The following COP1 variants were observed in gnomAD, a reference collection of about 807,000 sequenced individuals.
COP1 encodes COP1 E3 ubiquitin ligase.
In COP1, 24 loss-of-function variants were observed where a neutral mutation model predicts 101.3. The ratio of observed to expected loss-of-function variants is 0.24; its 90% confidence interval spans 0.17 to 0.33. The LOEUF (loss-of-function observed/expected upper bound fraction) is 0.33. Among genes scored for constraint, COP1 ranks in the 10% least tolerant of loss-of-function variants. COP1 has a pLI of 1.00. For synonymous variants in COP1, 347 were observed against 341.9 expected (o/e 1.01, Z -0.17); for missense variants, 663 against 906.2 (o/e 0.73, Z 3.45).
intron 18 of COP1, among the ~76,000 whole-genome samples, chr1:175,970,374 A>G (rs1266499145): frequency 6.6e-6 from 1 of 152,194 alleles, no homozygotes; most frequent in African/African-American, 2.4e-5. Flanking sequence ...CGGAATGGGA[A>G]TAGTATGGGA....
At chr1:176,073,953 G>C (rs10218714) in intron 11 of COP1, among the ~76,000 whole-genome samples, 60,479 of 151,936 alleles carry the variant, frequency 0.4, 12,235 homozygotes, top group Middle Eastern at 0.45. Flanking sequence ...AGGCCTCTTT[G>C]TTTGAGACAG....
At chr1:176,137,825 T>G (rs1171175282) in intron 6 of COP1, among the ~76,000 whole-genome samples, 1 of 152,162 alleles carries the variant, frequency 6.6e-6, no homozygotes, top group Non-Finnish European at 1.5e-5. Flanking sequence ...GTAATATAAT[T>G]AATAACTTAC....
Position 175,951,437 on chromosome 1 carries a change from A to AATATATATAT in COP1, c.2134-4208_2134-4199dup, listed in dbSNP as rs765055146. On this transcript the variant is annotated intron_variant, in intron 18 of 19. Transcript: ENST00000367669. ...AATGTATTTAAATATAAGATACGTGAATATATATATATATATATATATATA... is the reference window on the plus strand; with the variant it reads ...AATGTATTTAAATATAAGATACGTGAATATATATATATATATATATATATATATATATATA... 5.9e-3 allele frequency among the ~76,000 whole-genome samples: 636 copies of AATATATATAT among 107,972 alleles called. 13 individuals are homozygous for AATATATATAT. Among genetic ancestry groups the AATATATATAT allele is most frequent in the Middle Eastern group, 0.021 (5 of 240 alleles). The allele number at this position is 107,972 out of a possible 152,430, so 70.8% of individuals were successfully genotyped here. A position where few individuals can be genotyped will look rare whatever the true frequency, so the allele number is the denominator to read the frequency against.
At chr1:176,177,006 T>G (rs924332425) in intron 2 of COP1, among the ~76,000 whole-genome samples, 12 of 152,134 alleles carry the variant, frequency 7.9e-5, no homozygotes, top group Non-Finnish European at 8.8e-5. Flanking sequence ...AGGAAATATA[T>G]ATTTAGAAGG....
chr1:175,992,271 G>C (rs1658719363), intron 15 of COP1, among the ~76,000 whole-genome samples: 1 of 152,218 alleles, frequency 6.6e-6, no homozygotes, highest in South Asian at 2.1e-4. Flanking sequence ...GTGGAGGCAA[G>C]ATGGCCAAAT....
chr1:176,201,959 A>T (rs909733427), intron 1 of COP1, among the ~76,000 whole-genome samples: 2 of 152,226 alleles, frequency 1.3e-5, no homozygotes, highest in African/African-American at 4.8e-5. Context: ...TGCTTTTAAC[A>T]GCTCTTTAAA....
chr1:176,141,032 C>T (rs1690594822), intron 6 of COP1, among the ~76,000 whole-genome samples: 3 of 152,146 alleles, frequency 2.0e-5, no homozygotes, highest in Non-Finnish European at 4.4e-5. Flanking sequence ...GGATTTGGTG[C>T]AGGTAGGTAT....
chr1:176,143,146 AAGAG>A (rs759550104), intron 6 of COP1, among the ~76,000 whole-genome samples: 3 of 66,564 alleles, frequency 4.5e-5, no homozygotes, highest in South Asian at 3.8e-4. Context: ...GAGCGAGAGA[AAGAG>A]AGAGAGAGAG....
chr1:176,206,919 C>T lies in COP1; in HGVS notation c.60G>A (p.Ala20=). 1.4e-6 allele frequency: 2 copies of T among 1,463,412 alleles called. No individual in the cohort carries two copies. Among genetic ancestry groups the T allele is most frequent in the Non-Finnish European group, 1.8e-6 (2 of 1,113,016 alleles). The allele number at this position is 1,463,412 out of a possible 1,614,324, so 90.7% of individuals were successfully genotyped here. A position where few individuals can be genotyped will look rare whatever the true frequency, so the allele number is the denominator to read the frequency against. The part of the protein sequence containing the change: ...GSAGTSPGSS[A]ASSVTSASSS... ...AGGAGGCGGAAGTCACCGAGGAGGC[C>T]GCCGAGGACCCGGGGCTTGTCCCAG... is the stretch of plus-strand genomic sequence containing the variant. The change falls in exon 1 of 20, where the codon GCG becomes GCA. Residue 20 remains alanine (A), a synonymous_variant. Transcript: ENST00000367669.
At chr1:176,167,910 G>T (rs1435203535) in intron 3 of COP1, among the ~76,000 whole-genome samples, 1 of 152,044 alleles carries the variant, frequency 6.6e-6, no homozygotes, top group Non-Finnish European at 1.5e-5. Flanking sequence ...GTACATACAG[G>T]ATTGAAAACA....
intron 8 of COP1, among the ~76,000 whole-genome samples, chr1:176,117,452 A>G (rs1038080205): frequency 1.3e-5 from 2 of 152,150 alleles, no homozygotes; most frequent in Non-Finnish European, 2.9e-5. Flanking sequence ...TAGCATTTCT[A>G]TCTTACCATT....
At chr1:176,153,143 T>C (rs1022908327) in intron 5 of COP1, among the ~76,000 whole-genome samples, 1 of 152,096 alleles carries the variant, frequency 6.6e-6, no homozygotes, top group Non-Finnish European at 1.5e-5. Flanking sequence ...AGTTCTCAAT[T>C]CTAGCCTCTT....
At chr1:175,987,159 A>G in intron 17 of COP1, 56 bp from the exon 18 acceptor site, 4 of 948,330 alleles carry the variant, frequency 4.2e-6, no homozygotes, top group Non-Finnish European at 6.2e-6. Context: ...GAATTAGGAC[A>G]TCACAGTCTA....
Position 175,988,334 on chromosome 1 carries a change from T to A in COP1, c.1926A>T (p.Glu642Asp). The A allele has an allele frequency of 6.2e-7, 1 of 1,612,790 alleles. No individual in the cohort carries two copies. Among genetic ancestry groups the A allele is most frequent in the Non-Finnish European group, 8.5e-7 (1 of 1,178,950 alleles). Residue 642 changes from glutamate to aspartate, a missense_variant, in exon 17 of 20, where the codon GAA becomes GAT. Glu to Asp is a conservative substitution (Grantham distance 45). This residue lies in a region of COP1 where 209 missense variants were observed against 383.3 expected (regional missense o/e 0.55). Transcript: ENST00000367669. ...TGGAAGCCAGGCCTACAAAGTTTTT[T>A]TCATTGATATGACCCTTGAAGGAAC... ...CLRSFKGHIN[E>D]KNFVGLASNG... is the part of the protein sequence containing the mutation.
At chr1:176,083,287 TA>T (rs1679527313) in intron 10 of COP1, among the ~76,000 whole-genome samples, 1 of 152,190 alleles carries the variant, frequency 6.6e-6, no homozygotes, top group Admixed American at 6.5e-5. Context: ...CCTAAGTACA[TA>T]AAACTCACAA....
At chr1:176,116,032 A>T (rs1210474910) in intron 9 of COP1, among the ~76,000 whole-genome samples, 1 of 152,192 alleles carries the variant, frequency 6.6e-6, no homozygotes, top group Non-Finnish European at 1.5e-5. Context: ...GATTATTCAT[A>T]ATTTTTTTCC....
At chr1:176,176,904 C>T (rs998610878) in intron 2 of COP1, among the ~76,000 whole-genome samples, 40 of 152,202 alleles carry the variant, frequency 2.6e-4, no homozygotes, top group African/African-American at 8.2e-4. Flanking sequence ...AAAATGTTAA[C>T]CAGCACAACT....
intron 3 of COP1, among the ~76,000 whole-genome samples, chr1:176,165,361 C>CGT (rs34291468): frequency 0.11 from 14,615 of 131,850 alleles, 831 homozygotes; most frequent in African/African-American, 0.12. Flanking sequence ...AGATGTGTGT[C>CGT]GTGTGTGTGT....
At chr1:176,140,640 A>G (rs1245334781) in intron 6 of COP1, among the ~76,000 whole-genome samples, 3 of 152,204 alleles carry the variant, frequency 2.0e-5, no homozygotes, top group African/African-American at 7.2e-5. Flanking sequence ...AACCCCGGGA[A>G]GGAGAACTTA....
Sources: gnomAD v4.1 joint callset for allele counts (sites outside exome capture counted in the v4.1 genomes callset) on GRCh38, gnomAD v4.1.1 for gene constraint, gnomAD v4.1.1 regional missense constraint, MANE v1.5 for transcripts, NCBI Gene and HGNC (gene_info 2026-07-23, HGNC 2026-07-21) for gene names.